USP7: variants seen among roughly 807,000 people sequenced by gnomAD.
USP7 encodes ubiquitin specific peptidase 7, also known as ubiquitin C-terminal hydrolase 7.
Under a neutral mutation model 162.9 loss-of-function variants are expected in USP7, and 9 were observed. That is an observed-to-expected ratio of 0.06 (90% CI 0.03 to 0.10). The LOEUF (loss-of-function observed/expected upper bound fraction) is 0.10, where lower values mean the gene tolerates loss of function less well. USP7 is among the 10% of genes least tolerant of loss of function. The probability of loss-of-function intolerance (pLI) is 1.00; values close to 1 mark genes in which losing one functional copy is unlikely to be tolerated. For missense variants in USP7, 715 were observed against 1,373.7 expected, an observed-to-expected ratio of 0.52 and a Z score of 7.58; for synonymous variants, 562 against 475.9, an observed-to-expected ratio of 1.18 and a Z score of -2.35.
intron 9 of USP7, 36 bp downstream of exon 9, chr16:8,915,409 T>G (rs2062012929): frequency 2.5e-6 from 4 of 1,612,676 alleles, no homozygotes; most frequent in Non-Finnish European, 3.4e-6. Flanking sequence ...TTCTAAAACC[T>G]TTAAAAATCA....
rs528892144 is a variant in USP7, at chr16:8,916,657, T to C, written c.852-101A>G. ...AAACCTAAACTGGATAATCAGCTAT[T>C]ATTCTCAAATTCCTTTTCTGTGAAG... On this transcript the variant is annotated intron_variant, in intron 7 of 30. Coordinates refer to ENST00000344836, the MANE Select transcript of USP7 (RefSeq NM_003470.3). 1.2e-3 allele frequency: 1,370 copies of C among 1,156,796 alleles called. 33 individuals are homozygous for C. In the South Asian group the frequency reaches 0.019, roughly 16 times the overall value. The allele number at this position is 1,156,796 out of a possible 1,614,324, so 71.7% of individuals were successfully genotyped here. A position where few individuals can be genotyped will look rare whatever the true frequency, so the allele number is the denominator to read the frequency against.
intron 22 of USP7, 22 bp from the exon 23 acceptor site, chr16:8,899,210 TCA>T (rs746704153): frequency 1.2e-6 from 2 of 1,612,512 alleles, no homozygotes; most frequent in Non-Finnish European, 1.7e-6. Flanking sequence ...AAAGGAAGGT[TCA>T]CATTTTGGGG....
intron 2 of USP7, among the ~76,000 whole-genome samples, chr16:8,923,625 C>G (rs878946382): frequency 6.6e-6 from 1 of 152,192 alleles, no homozygotes; most frequent in Admixed American, 6.5e-5. Flanking sequence ...GTCCAAAACT[C>G]AGAGTGCTAA....
chr16:8,961,110 A>G (rs1899988556), intron 1 of USP7, among the ~76,000 whole-genome samples: 1 of 152,248 alleles, frequency 6.6e-6, no homozygotes, highest in Non-Finnish European at 1.5e-5. Flanking sequence ...ATGAAAATAA[A>G]GCTTCATTTT....
intron 25 of USP7, among the ~76,000 whole-genome samples, chr16:8,898,134 T>C (rs1257858913): frequency 5.9e-5 from 9 of 152,000 alleles, no homozygotes; most frequent in South Asian, 2.1e-4. Flanking sequence ...AAGGGAAGGG[T>C]TGGCTGCCGA....
chr16:8,915,578 T>C (rs754760540), intron 8 of USP7, 53 bp from the exon 9 acceptor site: 9 of 1,442,552 alleles, frequency 6.2e-6, no homozygotes, highest in Admixed American at 1.8e-5. Flanking sequence ...TAGTAATATA[T>C]ACAGTAATTT....
intron 2 of USP7, among the ~76,000 whole-genome samples, chr16:8,928,786 T>C (rs1374429404): frequency 6.6e-6 from 1 of 152,184 alleles, no homozygotes; most frequent in African/African-American, 2.4e-5. Context: ...TCCTATGGCG[T>C]GGCACCACTG....
At chr16:8,916,580 T>A (rs1426880670) in intron 7 of USP7, 24 bp from the exon 8 acceptor site, 1 of 1,450,474 alleles carries the variant, frequency 6.9e-7, no homozygotes, top group Admixed American at 2.5e-5. Flanking sequence ...AACAAACAAC[T>A]CCATTTAAAG....
chr16:8,899,607 A>C lies in USP7; in HGVS notation c.2460T>G (p.Phe820Leu). 6.2e-6 allele frequency: 10 copies of C among 1,613,928 alleles called. No individual in the cohort carries two copies. The highest frequency in any genetic ancestry group is 7.6e-6 in the Non-Finnish European group (9 of 1,179,818). Residue 820 changes from phenylalanine to leucine, a missense_variant, in exon 22 of 31, where the codon TTT becomes TTG. Phe to Leu is a conservative substitution (Grantham distance 22, BLOSUM62 0). Around this residue, in one of 11 missense-constraint regions of USP7, gnomAD observed 222 missense variants for 441.7 expected, o/e 0.50. Transcript: ENST00000344836. The part of the protein sequence containing the change: ...VVTLSNRMNY[F>L]QVAKTVAQRL... ...GAAAGGAGCATTTATTAAATACCTG[A>C]AAATAATTCATTCTATTTGATAACG...
chr16:8,894,193 T>G, intron 30 of USP7, 89 bp from the exon 31 acceptor site: 1 of 1,245,556 alleles, frequency 8.0e-7, no homozygotes, highest in Non-Finnish European at 1.2e-6. Context: ...TGCATCCCTG[T>G]GGCTCCCCAA....
intron 10 of USP7, 140 bp downstream of exon 10, chr16:8,915,114 A>C (rs1567220797): frequency 1.3e-6 from 1 of 787,456 alleles, no homozygotes; most frequent in Admixed American, 3.2e-5. Flanking sequence ...GCCTGTGTTC[A>C]CCCAGTGAGC....
chr16:8,945,738 T>C (rs1899247174), intron 1 of USP7, among the ~76,000 whole-genome samples: 1 of 151,950 alleles, frequency 6.6e-6, no homozygotes, highest in South Asian at 2.1e-4. Flanking sequence ...AAAGATTGAG[T>C]AGGTAAAACA....
At chr16:8,936,643 G>T (rs1375000089) in intron 1 of USP7, 3 of 1,554,130 alleles carry the variant, frequency 1.9e-6, no homozygotes, top group Non-Finnish European at 2.6e-6. Flanking sequence ...GGCCTCTGCT[G>T]GGGGATGGGG....
intron 1 of USP7, among the ~76,000 whole-genome samples, chr16:8,952,194 T>C (rs1416743714): frequency 6.6e-6 from 1 of 152,092 alleles, no homozygotes; most frequent in African/African-American, 2.4e-5. Flanking sequence ...AGGCTATAGT[T>C]AACGGTGATT....
At chr16:8,915,923 C>T (rs1393267953) in intron 8 of USP7, among the ~76,000 whole-genome samples, 1 of 152,190 alleles carries the variant, frequency 6.6e-6, no homozygotes, top group African/African-American at 2.4e-5. Context: ...ATTTAATGAA[C>T]TGGATTCAAT....
At position 8,962,267 on chromosome 16, in the gene USP7, G is replaced by A. The variant is rs191442457; in HGVS notation, c.79+940C>T. The stretch of plus-strand genomic sequence containing the variant: ...CCCGACAGCCTGAACTCGTCACGTA[G>A]GTAAGAAAACTTTTTAAAGACCATT... On this transcript the variant is annotated intron_variant, in intron 1 of 30. Coordinates refer to ENST00000344836, the MANE Select transcript of USP7 (RefSeq NM_003470.3). Among the ~76,000 whole-genome samples, 239 of 152,270 alleles carry A rather than the reference G, an allele frequency of 1.6e-3. 3 individuals carry two copies. Among genetic ancestry groups the A allele is most frequent in the African/African-American group, 5.4e-3 (226 of 41,556 alleles).
In USP7 at chr16:8,893,979, G is replaced by T; in HGVS notation, c.*19C>A. The T allele has an allele frequency of 6.2e-7, 1 of 1,612,186 alleles. No individual in the cohort carries two copies. The highest frequency in any genetic ancestry group is 1.1e-5 in the South Asian group (1 of 91,004). On this transcript the variant is annotated 3_prime_UTR_variant, in exon 31 of 31. Coordinates refer to ENST00000344836, the MANE Select transcript of USP7 (RefSeq NM_003470.3). ...GCCACCCACACACCGTCCTCGCCTT[G>T]AACACACCAGCTTGGAAATCAGTTA...
chr16:8,904,833 G>A (rs1356994517), intron 14 of USP7, among the ~76,000 whole-genome samples: 9 of 152,084 alleles, frequency 5.9e-5, no homozygotes, highest in Middle Eastern at 3.4e-3. Context: ...TTAGCCAGGC[G>A]TGGTGGCAGA....
At chr16:8,948,856 C>T (rs1031743462) in intron 1 of USP7, among the ~76,000 whole-genome samples, 1 of 152,102 alleles carries the variant, frequency 6.6e-6, no homozygotes, top group Admixed American at 6.5e-5. Context: ...TCCAGCTACT[C>T]GGGAGGCTGA....
Sources: gnomAD v4.1 joint callset for allele counts (sites outside exome capture counted in the v4.1 genomes callset) on GRCh38, gnomAD v4.1.1 for gene constraint, gnomAD v4.1.1 regional missense constraint, MANE v1.5 for transcripts, NCBI Gene and HGNC (gene_info 2026-07-23, HGNC 2026-07-21) for gene names.